Variants in RIOK3 observed in about 807,000 individuals in gnomAD.
RIOK3 encodes RIO kinase 3, also known as serine/threonine-protein kinase RIO3.
In RIOK3, 40 loss-of-function variants were observed where a neutral mutation model predicts 63.5. The observed-to-expected ratio is 0.63, with a 90% confidence interval of 0.49 to 0.82. The LOEUF (loss-of-function observed/expected upper bound fraction) is 0.82, where lower values mean the gene tolerates loss of function less well. RIOK3 is among the 40% of genes least tolerant of loss of function. The pLI is 0.00. For synonymous variants in RIOK3, 193 were observed against 205.0 expected (o/e 0.94, Z 0.50); for missense variants, 557 against 637.0 (o/e 0.87, Z 1.35).
intron 7 of RIOK3, among the ~76,000 whole-genome samples, chr18:23,472,966 T>A (rs2057465668): frequency 6.6e-6 from 1 of 152,222 alleles, no homozygotes; most frequent in South Asian, 2.1e-4. Context: ...TTCATGTACT[T>A]CTTTTATTCT....
chr18:23,473,081 CT>C (rs910451634), intron 7 of RIOK3, among the ~76,000 whole-genome samples: 2 of 152,066 alleles, frequency 1.3e-5, no homozygotes, highest in African/African-American at 2.4e-5. Context: ...TTATTTGTTG[CT>C]TTTTATTGAA....
At chr18:23,464,144 A>C (rs371635988) in intron 3 of RIOK3, 32 bp downstream of exon 3, 111 of 1,607,602 alleles carry the variant, frequency 6.9e-5, no homozygotes, top group Non-Finnish European at 9.0e-5. Flanking sequence ...AACTTCATTG[A>C]GTGGTAGAAA....
chr18:23,481,126 G>A (rs754225351), intron 12 of RIOK3, 46 bp from the exon 13 acceptor site: 1 of 1,373,274 alleles, frequency 7.3e-7, no homozygotes, highest in South Asian at 1.2e-5. Flanking sequence ...TGGTTTCTGT[G>A]AAAAGTAGGA....
rs2057539327 is a variant in RIOK3, at chr18:23,482,171, A to G, written c.*892A>G. ...GTACTTGATTGATTTTCAGAGAAAT[A>G]TCACAAATTAGAAATATTAAATCTA... is the stretch of plus-strand genomic sequence containing the variant. On this transcript the variant is annotated 3_prime_UTR_variant, in exon 13 of 13. Coordinates refer to ENST00000339486, the MANE Select transcript of RIOK3 (RefSeq NM_003831.5). 1 of 152,346 alleles carries G rather than the reference A, an allele frequency of 6.6e-6. No individual in the cohort carries two copies. 9.4% of individuals were successfully genotyped at this position (152,346 alleles called of 1,614,324 possible).
chr18:23,456,508 C>T (rs1388170030), intron 1 of RIOK3: 1 of 151,676 alleles, frequency 6.6e-6, no homozygotes, highest in Non-Finnish European at 1.5e-5. Flanking sequence ...ATTTTTATAT[C>T]TAAAGAAAAC....
chr18:23,467,148 T>C (rs945317901), intron 6 of RIOK3, among the ~76,000 whole-genome samples: 2 of 152,022 alleles, frequency 1.3e-5, no homozygotes, highest in East Asian at 3.9e-4. Flanking sequence ...ACCCCATCTC[T>C]AGTAAAAATA....
rs1393870250 is a variant in RIOK3 at position 23,482,023 on chromosome 18, T to C, written c.*744T>C. On this transcript the variant is annotated 3_prime_UTR_variant, in exon 13 of 13. Transcript: ENST00000339486. ...GTTAGGATATAACTCATGGTGTGGC[T>C]AATCTACATTTATCAATAAAATGTA... 2 of 152,220 alleles carry C rather than the reference T, an allele frequency of 1.3e-5. No homozygotes were observed. Among genetic ancestry groups the C allele is most frequent in the African/African-American group, 4.8e-5 (2 of 41,460 alleles). 9.4% of individuals were successfully genotyped at this position (152,220 alleles called of 1,614,324 possible). A position where few individuals can be genotyped will look rare whatever the true frequency, so the allele number is the denominator to read the frequency against.
intron 7 of RIOK3, 180 bp downstream of exon 7, chr18:23,467,706 C>A: frequency 2.9e-6 from 1 of 348,384 alleles, no homozygotes; most frequent in Non-Finnish European, 5.1e-6. Context: ...CTAATACCAC[C>A]ACCCAGAGAT....
intron 1 of RIOK3, among the ~76,000 whole-genome samples, chr18:23,459,868 A>G (rs1023788946): frequency 7.2e-5 from 11 of 152,104 alleles, no homozygotes; most frequent in Admixed American, 2.6e-4. Context: ...TAATTTTTAT[A>G]TTTTTAGTAG....
intron 1 of RIOK3, among the ~76,000 whole-genome samples, chr18:23,458,787 G>A (rs2057356503): frequency 6.6e-6 from 1 of 152,188 alleles, no homozygotes; most frequent in South Asian, 2.1e-4. Flanking sequence ...AAACCACTGT[G>A]CCTATAGGGA....
At chr18:23,466,505 C>T (rs1248949726) in intron 6 of RIOK3, among the ~76,000 whole-genome samples, 2 of 151,642 alleles carry the variant, frequency 1.3e-5, no homozygotes, top group Admixed American at 1.3e-4. Flanking sequence ...CAAGAACAGC[C>T]CAGGCAACAT....
At chr18:23,457,839 C>T (rs916380430) in intron 1 of RIOK3, among the ~76,000 whole-genome samples, 6 of 151,694 alleles carry the variant, frequency 4.0e-5, no homozygotes, top group Non-Finnish European at 8.8e-5. Flanking sequence ...TCTCTTGACT[C>T]GCTTCCAGTA....
intron 9 of RIOK3, among the ~76,000 whole-genome samples, chr18:23,475,462 CAAAA>C (rs60717269): frequency 4.4e-4 from 44 of 99,314 alleles, no homozygotes; most frequent in African/African-American, 1.7e-3. Flanking sequence ...GACTCTGTCT[CAAAA>C]AAAAAAAAAA....
rs148958408 is a variant in RIOK3, at chr18:23,479,357, G to T, written c.1385G>T (p.Arg462Leu). 1 of 1,613,744 alleles carries T rather than the reference G, an allele frequency of 6.2e-7. No homozygotes were observed. The highest frequency in any genetic ancestry group is 1.3e-5 in the African/African-American group (1 of 75,016). The change falls in exon 12 of 13, where the codon CGA becomes CTA. Residue 462 changes from arginine to leucine, a missense_variant. Arg to Leu is a moderately radical substitution (Grantham distance 102). Around this residue, in one of 3 missense-constraint regions of RIOK3, gnomAD observed 309 missense variants for 338.7 expected, o/e 0.91. Coordinates refer to ENST00000339486, the MANE Select transcript of RIOK3 (RefSeq NM_003831.5). Reference protein sequence around the residue: ...KGGVKEALSERELFNAVSGLN... With the variant: ...KGGVKEALSELELFNAVSGLN... ...GGAGTCAAGGAAGCCCTTAGTGAAC[G>T]AGAACTCTTCAATGCTGTTTCAGGC...
At position 23,482,486 on chromosome 18, in the gene RIOK3, GGT is replaced by G. The variant is rs2057541758; in HGVS notation, c.*1209_*1210del. 1 of 148,808 alleles carries G rather than the reference GGT, an allele frequency of 6.7e-6. No individual in the cohort carries two copies. The highest frequency in any genetic ancestry group is 1.5e-5 in the Non-Finnish European group (1 of 67,712). The allele number at this position is 148,808 out of a possible 1,614,324, so 9.2% of individuals were successfully genotyped here. ...GATCATGCCACTGCACTCCGGCCTA[GGT>G]GACAGAGGGAAACTCCATCTCCAGG... On this transcript the variant is annotated 3_prime_UTR_variant, in exon 13 of 13. Transcript: ENST00000339486.
intron 11 of RIOK3, 126 bp downstream of exon 11, chr18:23,477,394 A>T: frequency 1.4e-6 from 1 of 737,790 alleles, no homozygotes; most frequent in Non-Finnish European, 2.4e-6. Flanking sequence ...GGCTGCTTTC[A>T]GGACAAGGAT....
chr18:23,465,436 T>C (rs767116111), intron 5 of RIOK3, among the ~76,000 whole-genome samples: 1 of 152,086 alleles, frequency 6.6e-6, no homozygotes, highest in Non-Finnish European at 1.5e-5. Context: ...TATAATATAT[T>C]AAACATTTAG....
At chr18:23,480,576 C>CACACACACACAT (rs1395817754) in intron 12 of RIOK3, among the ~76,000 whole-genome samples, 1 of 151,732 alleles carries the variant, frequency 6.6e-6, no homozygotes, top group Non-Finnish European at 1.5e-5. Context: ...CACACACACA[C>CACACACACACAT]ACACACACAC....
Position 23,474,848 on chromosome 18 carries a change from G to A in RIOK3, c.1014-100G>A. On this transcript the variant is annotated intron_variant, in intron 8 of 12. Coordinates refer to ENST00000339486, the MANE Select transcript of RIOK3 (RefSeq NM_003831.5). ...TCCCACATCACCAGGGTAGAACATA[G>A]TGCCAGCTCATTGCAGGCCCTGATT... 3.5e-6 allele frequency: 3 copies of A among 855,256 alleles called. 1 individual carries two copies. In the South Asian group the frequency reaches 5.1e-5, roughly 14 times the overall value. 53.0% of individuals were successfully genotyped at this position (855,256 alleles called of 1,614,324 possible).
Sources: allele counts gnomAD v4.1 joint callset (sites outside exome capture counted in the v4.1 genomes callset), GRCh38; gene constraint gnomAD v4.1.1; regional missense constraint gnomAD v4.1.1; transcripts MANE v1.5; gene names NCBI Gene and HGNC (gene_info 2026-07-23, HGNC 2026-07-21).